The following DAB2IP variants were observed in gnomAD, a reference collection of about 807,000 sequenced individuals.
The protein encoded by DAB2IP is disabled homolog 2-interacting protein.
A neutral mutation model predicts 107.2 loss-of-function variants in DAB2IP; 28 were observed. The ratio of observed to expected loss-of-function variants is 0.26; its 90% CI spans 0.19 to 0.36. DAB2IP has a LOEUF of 0.36. DAB2IP is among the 10% of genes least tolerant of loss of function. The probability of loss-of-function intolerance (pLI) is 1.00; values close to 1 mark genes in which losing one functional copy is unlikely to be tolerated. For synonymous variants in DAB2IP, 755 were observed against 706.4 expected, an observed-to-expected ratio of 1.07 and a Z score of -1.09; for missense variants, 1,400 against 1,644.7, an observed-to-expected ratio of 0.85 and a Z score of 2.57.
At chr9:121,697,504 C>G (rs551075625) in intron 2 of DAB2IP, among the ~76,000 whole-genome samples, 66 of 152,310 alleles carry the variant, frequency 4.3e-4, no homozygotes, top group Middle Eastern at 3.4e-3. Flanking sequence ...TGCCTCCATG[C>G]CATGTGTCCT....
intron 3 of DAB2IP, among the ~76,000 whole-genome samples, chr9:121,756,239 A>T (rs1411416647): frequency 6.6e-6 from 1 of 152,222 alleles, no homozygotes; most frequent in Admixed American, 6.5e-5. Flanking sequence ...AAACAGGCTC[A>T]GAGGAGAACG....
At chr9:121,664,072 A>G (rs1833317605) in intron 1 of DAB2IP, among the ~76,000 whole-genome samples, 2 of 152,234 alleles carry the variant, frequency 1.3e-5, no homozygotes, top group African/African-American at 4.8e-5. Context: ...GTTTCTCCAC[A>G]TTTCCTGGTG....
chr9:121,781,496 A>G, exon 15 of DAB2IP: 1 of 1,614,040 alleles, frequency 6.2e-7, no homozygotes, highest in African/African-American at 1.3e-5. Context: ...CTGAAGAAGG[A>G]CCACGCAGAG....
At chr9:121,661,725 G>A (rs1401488412) in intron 1 of DAB2IP, among the ~76,000 whole-genome samples, 5 of 152,194 alleles carry the variant, frequency 3.3e-5, no homozygotes. Context: ...GTTTATGCCT[G>A]TAATCCCAAC....
chr9:121,759,282 A>T (rs1317318998), intron 5 of DAB2IP, among the ~76,000 whole-genome samples: 2 of 151,982 alleles, frequency 1.3e-5, no homozygotes, highest in Non-Finnish European at 2.9e-5. Context: ...CCTTGTCCCT[A>T]CTCCCCAGCC....
rs113114839 is a variant in DAB2IP at position 121,619,502 on chromosome 9, G to A, written c.40+52274G>A. Among the ~76,000 whole-genome samples the A allele has an allele frequency of 4.7e-3, 710 of 152,300 alleles. 8 individuals are homozygous for A. Among genetic ancestry groups the A allele is most frequent in the African/African-American group, 0.016 (681 of 41,556 alleles). Reference sequence around the variant, plus strand: ...CTGCATGGCCCCTGCCTGCGCTAACGGTGTCAACACATATTTATTCAGTGC... The same window carrying A: ...CTGCATGGCCCCTGCCTGCGCTAACAGTGTCAACACATATTTATTCAGTGC... On this transcript the variant is annotated intron_variant, in intron 1 of 16. Transcript: ENST00000259371.
intron 1 of DAB2IP, among the ~76,000 whole-genome samples, chr9:121,587,633 A>C (rs1830336580): frequency 6.6e-6 from 1 of 151,700 alleles, no homozygotes; most frequent in Non-Finnish European, 1.5e-5. Context: ...AAAAAAAAGA[A>C]TAGGGTTGAG....
chr9:121,776,687 C>T lies in DAB2IP; in HGVS notation c.3314+296C>T, dbSNP rs571344099. On this transcript the variant is annotated intron_variant, in intron 14 of 15. Coordinates refer to ENST00000408936, the Ensembl canonical transcript of DAB2IP. This position sits in a 1 kb window ranked among gnomAD's most constrained non-coding sequence, Gnocchi z 5.4. Reference sequence around the variant, plus strand: ...GAGCCATACCATCTTAGTAAGCACTCTCAGGGGCGCTGAGAAGCTGGATTG... The same window carrying T: ...GAGCCATACCATCTTAGTAAGCACTTTCAGGGGCGCTGAGAAGCTGGATTG... Among the ~76,000 whole-genome samples, 21 of 152,286 alleles carry T rather than the reference C, an allele frequency of 1.4e-4. No homozygotes were observed. The highest frequency in any genetic ancestry group is 4.6e-4 in the African/African-American group (19 of 41,568).
chr9:121,754,219 C>T (rs559823000), intron 3 of DAB2IP, among the ~76,000 whole-genome samples: 1 of 152,324 alleles, frequency 6.6e-6, no homozygotes, highest in East Asian at 1.9e-4. Flanking sequence ...GGCAGGGTCA[C>T]AGCAGACCAG....
chr9:121,760,497 C>A lies in DAB2IP; in HGVS notation c.1170+58C>A, dbSNP rs1200607030. 3 of 1,493,244 alleles carry A rather than the reference C, an allele frequency of 2.0e-6. No homozygotes were observed. In the Admixed American group the frequency reaches 6.4e-5, roughly 32 times the overall value. The allele number at this position is 1,493,244 out of a possible 1,614,324, so 92.5% of individuals were successfully genotyped here. On this transcript the variant is annotated intron_variant, in intron 6 of 15. Coordinates refer to ENST00000408936, the Ensembl canonical transcript of DAB2IP. The surrounding 1 kb of genome is among the most constrained non-coding windows in gnomAD (Gnocchi z 5.9). ...CTGGGCGGCAGCACTGGGTTACCTGCCCTTCCTCACATCCGTACATTTCAG... is the reference window on the plus strand; with the variant it reads ...CTGGGCGGCAGCACTGGGTTACCTGACCTTCCTCACATCCGTACATTTCAG...
Position 121,776,433 on chromosome 9 carries a change from G to C in DAB2IP, c.3314+42G>C. The C allele has an allele frequency of 6.8e-7, 1 of 1,471,280 alleles. No homozygotes were observed. Among genetic ancestry groups the C allele is most frequent in the South Asian group, 1.4e-5 (1 of 70,768 alleles). The allele number at this position is 1,471,280 out of a possible 1,614,324, so 91.1% of individuals were successfully genotyped here. A position where few individuals can be genotyped will look rare whatever the true frequency, so the allele number is the denominator to read the frequency against. ...CCTGGCCTGGCCACAGGCACAGGCA[G>C]GGCAGCCATCGCTGCCTTCGAGGAG... On this transcript the variant is annotated intron_variant, in intron 14 of 15. Transcript: ENST00000408936. This position sits in a 1 kb window ranked among gnomAD's most constrained non-coding sequence, Gnocchi z 5.4.
At chr9:121,749,198 C>T (rs1832928066) in intron 3 of DAB2IP, among the ~76,000 whole-genome samples, 1 of 152,376 alleles carries the variant, frequency 6.6e-6, no homozygotes, top group Non-Finnish European at 1.5e-5. Context: ...GGTTCCCAGG[C>T]CAGCGGGGCA....
chr9:121,723,878 G>A (rs1424105188), intron 3 of DAB2IP, among the ~76,000 whole-genome samples: 1 of 152,074 alleles, frequency 6.6e-6, no homozygotes, highest in Non-Finnish European at 1.5e-5. Flanking sequence ...TGCTGCTGGG[G>A]GACCTTGATC....
At chr9:121,661,376 A>G (rs1267345257) in intron 1 of DAB2IP, among the ~76,000 whole-genome samples, 2 of 152,030 alleles carry the variant, frequency 1.3e-5, no homozygotes, top group African/African-American at 4.8e-5. Flanking sequence ...TGGTATCTAG[A>G]AACCTGTTCA....
chr9:121,645,043 C>T (rs76133352), intron 1 of DAB2IP, among the ~76,000 whole-genome samples: 2,006 of 152,320 alleles, frequency 0.013, 62 homozygotes, highest in African/African-American at 0.046. Context: ...CATATGCCAC[C>T]CCCTCTGGTT....
intron 3 of DAB2IP, among the ~76,000 whole-genome samples, chr9:121,714,921 G>C (rs1343921060): frequency 6.6e-6 from 1 of 152,204 alleles, no homozygotes; most frequent in Non-Finnish European, 1.5e-5. Context: ...TATAGGAGGG[G>C]CTGCCACGGG....
intron 3 of DAB2IP, among the ~76,000 whole-genome samples, chr9:121,715,844 T>TGAAGGTGCTTCTAAG (rs1830575093): frequency 6.6e-6 from 1 of 152,228 alleles, no homozygotes; most frequent in Non-Finnish European, 1.5e-5. Context: ...TATGGTCACC[T>TGAAGGTGCTTCTAAG]GAAGGTGCTT....
At chr9:121,671,563 C>G (rs796578475) in intron 1 of DAB2IP, among the ~76,000 whole-genome samples, 20 of 152,234 alleles carry the variant, frequency 1.3e-4, no homozygotes, top group African/African-American at 4.6e-4. Context: ...AACCATTCAT[C>G]TATAGAAGGA....
chr9:121,731,179 A>T (rs1042782156), intron 3 of DAB2IP, among the ~76,000 whole-genome samples: 2 of 151,992 alleles, frequency 1.3e-5, no homozygotes, highest in Admixed American at 6.6e-5. Flanking sequence ...TCCCCTCTCT[A>T]CTAAACTGCC....
Sources: allele counts gnomAD v4.1 joint callset (sites outside exome capture counted in the v4.1 genomes callset), GRCh38; gene constraint gnomAD v4.1.1; non-coding constraint Gnocchi (gnomAD v3.1); transcripts MANE v1.5; gene names NCBI Gene and HGNC (gene_info 2026-07-23, HGNC 2026-07-21).